RPS6KB1: variants seen among roughly 807,000 people sequenced by gnomAD.
RPS6KB1 encodes ribosomal protein S6 kinase B1.
A neutral mutation model predicts 70.2 loss-of-function variants in RPS6KB1; 12 were observed. The observed-to-expected ratio is 0.17, with a 90% confidence interval of 0.11 to 0.28. The LOEUF (loss-of-function observed/expected upper bound fraction) is 0.28, where lower values mean the gene tolerates loss of function less well. Ranked by LOEUF, RPS6KB1 falls within the 10% of genes least tolerant of loss-of-function variation. RPS6KB1 has a pLI of 1.00. For missense variants in RPS6KB1, 270 were observed against 646.6 expected (o/e 0.42, Z 6.32); for synonymous variants, 175 against 211.2 (o/e 0.83, Z 1.49).
rs1168222931 is a variant in RPS6KB1, at chr17:59,950,545, TAAAC to T, written c.*3758_*3761del. 6.6e-6 allele frequency: 1 copy of T among 152,192 alleles called. No homozygotes were observed. The highest frequency in any genetic ancestry group is 1.5e-5 in the Non-Finnish European group (1 of 67,976). 9.4% of individuals were successfully genotyped at this position (152,192 alleles called of 1,614,324 possible). The stretch of plus-strand genomic sequence containing the variant: ...AGATGTGTTCAAGTTGTCATATAAA[TAAAC>T]TATGTATGTAAGGAATGGGTTAAAA... On this transcript the variant is annotated 3_prime_UTR_variant, in exon 15 of 15. Coordinates refer to ENST00000225577, the MANE Select transcript of RPS6KB1 (RefSeq NM_003161.4).
intron 5 of RPS6KB1, among the ~76,000 whole-genome samples, chr17:59,928,888 A>T (rs1251627979): frequency 6.6e-6 from 1 of 152,152 alleles, no homozygotes; most frequent in South Asian, 2.1e-4. Context: ...GATTCAGGTT[A>T]TGCAATTTTG....
chr17:59,937,200 A>G (rs1020069849), intron 12 of RPS6KB1, among the ~76,000 whole-genome samples: 1 of 152,198 alleles, frequency 6.6e-6, no homozygotes, highest in Non-Finnish European at 1.5e-5. Flanking sequence ...TAAAGAACTA[A>G]ACCCAGTGGC....
intron 4 of RPS6KB1, among the ~76,000 whole-genome samples, chr17:59,925,307 T>A (rs1237355747): frequency 1.3e-5 from 2 of 152,188 alleles, no homozygotes; most frequent in East Asian, 3.8e-4. Flanking sequence ...ACCATCAGGG[T>A]AACTTCCTGG....
At position 59,948,688 on chromosome 17, in the gene RPS6KB1, T is replaced by TC. The variant is rs2045060529; in HGVS notation, c.*1902dup. ...AAAAAAAATCACTCCCTCTTCCCCCTCCTCCCTTATTGCAGCAGCCTACTG... is the reference window on the plus strand; with the variant it reads ...AAAAAAAATCACTCCCTCTTCCCCCTCCCTCCCTTATTGCAGCAGCCTACTG... On this transcript the variant is annotated 3_prime_UTR_variant, in exon 15 of 15. Coordinates refer to ENST00000225577, the MANE Select transcript of RPS6KB1 (RefSeq NM_003161.4). The TC allele has an allele frequency of 1.3e-5, 2 of 152,198 alleles. No homozygotes were observed. Among genetic ancestry groups the TC allele is most frequent in the Non-Finnish European group, 2.9e-5 (2 of 67,970 alleles). 9.4% of individuals were successfully genotyped at this position (152,198 alleles called of 1,614,324 possible).
chr17:59,941,905 T>C (rs530932076), intron 13 of RPS6KB1, among the ~76,000 whole-genome samples: 21 of 150,168 alleles, frequency 1.4e-4, no homozygotes, highest in East Asian at 1.4e-3. Flanking sequence ...GTCGCCCAGG[T>C]TGGAGTGCAG....
At chr17:59,921,897 A>G (rs1036753500) in intron 4 of RPS6KB1, among the ~76,000 whole-genome samples, 8 of 152,154 alleles carry the variant, frequency 5.3e-5, no homozygotes, top group African/African-American at 1.9e-4. Context: ...CTTGATTCCT[A>G]CAATGCCTGT....
chr17:59,912,451 A>G (rs2144790890), intron 2 of RPS6KB1: 1 of 396,140 alleles, frequency 2.5e-6, no homozygotes, highest in South Asian at 3.1e-5. Flanking sequence ...AACAATTATA[A>G]AAATAAGTAA....
At chr17:59,918,697 G>C (rs1473231498) in intron 4 of RPS6KB1, among the ~76,000 whole-genome samples, 3 of 152,030 alleles carry the variant, frequency 2.0e-5, no homozygotes, top group Non-Finnish European at 2.9e-5. Flanking sequence ...ATAATTATTT[G>C]AAATGTTCTT....
chr17:59,933,339 A>C (rs1455114361), intron 7 of RPS6KB1, among the ~76,000 whole-genome samples: 1 of 152,290 alleles, frequency 6.6e-6, no homozygotes, highest in East Asian at 1.9e-4. Context: ...CACAGGATAG[A>C]ATAGGGGAGC....
intron 14 of RPS6KB1, among the ~76,000 whole-genome samples, 191 bp downstream of exon 14, chr17:59,945,709 TCC>T (rs953381002): frequency 3.3e-5 from 5 of 152,182 alleles, no homozygotes; most frequent in African/African-American, 1.2e-4. Flanking sequence ...TGGTTTACCT[TCC>T]CTCCCAAAAG....
chr17:59,933,385 AGT>A (rs2044055838), intron 7 of RPS6KB1, among the ~76,000 whole-genome samples: 1 of 147,304 alleles, frequency 6.8e-6, no homozygotes, highest in South Asian at 2.1e-4. Flanking sequence ...TATAAGGTTG[AGT>A]GTATCAGATG....
intron 1 of RPS6KB1, among the ~76,000 whole-genome samples, chr17:59,901,876 C>T (rs1379050136): frequency 6.6e-6 from 1 of 151,088 alleles, no homozygotes; most frequent in Non-Finnish European, 1.5e-5. Context: ...AAAAATTATC[C>T]GTCTTGGTGG....
At chr17:59,935,808 TTTTCTTTTC>T (rs2044194586) in intron 10 of RPS6KB1, among the ~76,000 whole-genome samples, 1 of 113,840 alleles carries the variant, frequency 8.8e-6, no homozygotes, top group African/African-American at 4.1e-5. Context: ...TTTTCTTTTC[TTTTCTTTTC>T]TTTTTTTTCT....
intron 12 of RPS6KB1, among the ~76,000 whole-genome samples, chr17:59,939,395 C>T (rs957413447): frequency 6.6e-6 from 1 of 152,142 alleles, no homozygotes; most frequent in Non-Finnish European, 1.5e-5. Context: ...AATCCTCCCA[C>T]CTCACCCTCT....
In RPS6KB1 at chr17:59,893,666, T is replaced by A; in HGVS notation, c.141+341T>A. On this transcript the variant is annotated intron_variant, in intron 1 of 14. Transcript: ENST00000225577. This position sits in a 1 kb window ranked among gnomAD's most constrained non-coding sequence, Gnocchi z 4.1. The stretch of plus-strand genomic sequence containing the variant: ...GAGCGTGTGTTGGGGAGACGGGGGC[T>A]GCTCTTGCTGGGTGTCCCGTAAGTG... 1 of 556,850 alleles carries A rather than the reference T, an allele frequency of 1.8e-6. No homozygotes were observed. Among genetic ancestry groups the A allele is most frequent in the Non-Finnish European group, 2.4e-6 (1 of 411,382 alleles). The allele number at this position is 556,850 out of a possible 1,614,324, so 34.5% of individuals were successfully genotyped here.
chr17:59,932,314 A>C (rs2043969109), intron 7 of RPS6KB1, among the ~76,000 whole-genome samples: 1 of 152,044 alleles, frequency 6.6e-6, no homozygotes, highest in South Asian at 2.1e-4. Context: ...CAGGAGGCTG[A>C]GGTGGGAGAA....
At chr17:59,937,223 T>C (rs1189713321) in intron 12 of RPS6KB1, among the ~76,000 whole-genome samples, 1 of 152,206 alleles carries the variant, frequency 6.6e-6, no homozygotes, top group Non-Finnish European at 1.5e-5. Flanking sequence ...TTGACTGTAT[T>C]AGCTATTTTT....
intron 11 of RPS6KB1, 47 bp from the exon 12 acceptor site, chr17:59,936,417 G>A: frequency 6.4e-7 from 1 of 1,574,388 alleles, no homozygotes; most frequent in Non-Finnish European, 8.7e-7. Flanking sequence ...TATCAATCCA[G>A]CAAAGTCTAG....
Position 59,947,695 on chromosome 17 carries a change from AC to A in RPS6KB1, c.*909del, listed in dbSNP as rs2045009515. The A allele has an allele frequency of 1.4e-6, 1 of 733,174 alleles. No individual in the cohort carries two copies. Among genetic ancestry groups the A allele is most frequent in the African/African-American group, 1.8e-5 (1 of 56,664 alleles). 45.4% of individuals were successfully genotyped at this position (733,174 alleles called of 1,614,324 possible). On this transcript the variant is annotated 3_prime_UTR_variant, in exon 15 of 15. Transcript: ENST00000225577. ...CATTGCACTGGAAAAAAAAATCGCCACCTGTTCTTACACCAGTATTTGGTTC... is the reference window on the plus strand; with the variant it reads ...CATTGCACTGGAAAAAAAAATCGCCACTGTTCTTACACCAGTATTTGGTTC...
Sources: gnomAD v4.1 joint callset for allele counts (sites outside exome capture counted in the v4.1 genomes callset) on GRCh38, gnomAD v4.1.1 for gene constraint, Gnocchi (gnomAD v3.1) non-coding constraint, MANE v1.5 for transcripts, NCBI Gene and HGNC (gene_info 2026-07-23, HGNC 2026-07-21) for gene names.